Variants in PIWIL3 observed in about 807,000 individuals in gnomAD.
PIWIL3 encodes piwi-like protein 3.
A neutral mutation model predicts 109.7 loss-of-function variants in PIWIL3; 101 were observed. The observed-to-expected ratio is 0.92, with a 90% CI of 0.78 to 1.09. The LOEUF (loss-of-function observed/expected upper bound fraction) is 1.09, where lower values mean the gene tolerates loss of function less well. Ranked by LOEUF, PIWIL3 falls within the 50% of genes least tolerant of loss-of-function variation. PIWIL3 has a pLI of 0.00. For missense variants in PIWIL3, 1,031 were observed against 1,072.6 expected, an observed-to-expected ratio of 0.96 and a Z score of 0.54; for synonymous variants, 373 against 376.4, an observed-to-expected ratio of 0.99 and a Z score of 0.10.
At chr22:24,737,987 A>G (rs1923765422) in intron 12 of PIWIL3, among the ~76,000 whole-genome samples, 1 of 152,158 alleles carries the variant, frequency 6.6e-6, no homozygotes, top group Non-Finnish European at 1.5e-5. Flanking sequence ...CCCGTCTTCT[A>G]CTAAAAATAT....
chr22:24,772,745 G>A (rs542398322), intron 1 of PIWIL3, among the ~76,000 whole-genome samples: 2 of 152,322 alleles, frequency 1.3e-5, no homozygotes, highest in South Asian at 2.1e-4. Flanking sequence ...GCAGCATCTA[G>A]TGGACTAGAA....
At chr22:24,764,119 G>A (rs749612421) in intron 1 of PIWIL3, among the ~76,000 whole-genome samples, 18 of 152,212 alleles carry the variant, frequency 1.2e-4, no homozygotes, top group Non-Finnish European at 2.2e-4. Flanking sequence ...GCACACTCAG[G>A]AAAGCAGGCG....
chr22:24,723,071 T>G, intron 19 of PIWIL3, 59 bp downstream of exon 19: 1 of 1,552,922 alleles, frequency 6.4e-7, no homozygotes, highest in Non-Finnish European at 8.8e-7. Flanking sequence ...GTGATTGTGC[T>G]GAACTGAAGG....
At chr22:24,727,879 A>T in intron 16 of PIWIL3, 71 bp downstream of exon 16, 1 of 1,222,162 alleles carries the variant, frequency 8.2e-7, no homozygotes, top group Non-Finnish European at 1.2e-6. Flanking sequence ...AACACATATT[A>T]ATTAGGTTCA....
At position 24,772,011 on chromosome 22, in the gene PIWIL3, C is replaced by T. The variant is rs541735112; in HGVS notation, c.-23+2311G>A. Reference sequence around the variant, plus strand: ...TGCCCGGCCTATTTCTCTTAATGAACAAGCTATAGTGCTCAGTTGGCCAAC... The same window carrying T: ...TGCCCGGCCTATTTCTCTTAATGAATAAGCTATAGTGCTCAGTTGGCCAAC... On this transcript the variant is annotated intron_variant, in intron 1 of 20. Transcript: ENST00000616349. Among the ~76,000 whole-genome samples the T allele has an allele frequency of 2.6e-4, 39 of 152,280 alleles. 1 individual carries two copies. The South Asian group carries it at 6.4e-3, about 25-fold the overall frequency.
intron 12 of PIWIL3, among the ~76,000 whole-genome samples, chr22:24,747,985 T>C (rs1408584344): frequency 6.6e-6 from 1 of 152,220 alleles, no homozygotes; most frequent in Non-Finnish European, 1.5e-5. Context: ...TGTACTTCCA[T>C]GTTTATTGCA....
chr22:24,747,458 G>A (rs1455850622), intron 12 of PIWIL3, among the ~76,000 whole-genome samples: 1 of 152,068 alleles, frequency 6.6e-6, no homozygotes, highest in Non-Finnish European at 1.5e-5. Context: ...GGATATGTAG[G>A]ATCACATCAA....
chr22:24,737,124 CT>C (rs1346641595), intron 12 of PIWIL3, among the ~76,000 whole-genome samples: 2 of 152,212 alleles, frequency 1.3e-5, no homozygotes, highest in African/African-American at 4.8e-5. Context: ...TAAGAGAGTG[CT>C]TGCATCATCC....
chr22:24,764,850 GA>G (rs1925695281), intron 1 of PIWIL3, among the ~76,000 whole-genome samples: 1 of 152,154 alleles, frequency 6.6e-6, no homozygotes, highest in Non-Finnish European at 1.5e-5. Flanking sequence ...ATGAAGACTA[GA>G]AGTTTTAGCC....
At chr22:24,740,196 G>T (rs1206634779) in intron 12 of PIWIL3, among the ~76,000 whole-genome samples, 2 of 140,206 alleles carry the variant, frequency 1.4e-5, no homozygotes, top group Non-Finnish European at 3.1e-5. Flanking sequence ...ACTCCAACCT[G>T]GGCAACGGAG....
intron 1 of PIWIL3, among the ~76,000 whole-genome samples, chr22:24,770,935 C>CG (rs1370533093): frequency 2.0e-5 from 3 of 151,914 alleles, no homozygotes; most frequent in Non-Finnish European, 2.9e-5. Flanking sequence ...GGGATGGTCT[C>CG]GAGGAGGATA....
At chr22:24,740,218 CAA>C (rs71189272) in intron 12 of PIWIL3, among the ~76,000 whole-genome samples, 3 of 63,880 alleles carry the variant, frequency 4.7e-5, no homozygotes, top group East Asian at 1.2e-3. Context: ...GAGACTGTCT[CAA>C]AAAAAAAAAA....
rs1169647351 is a variant in PIWIL3, at chr22:24,754,778, A to G, written c.773+6T>C. On this transcript the variant is annotated splice_donor_region_variant and intron_variant, in intron 7 of 20. Coordinates refer to ENST00000616349, the MANE Select transcript of PIWIL3 (RefSeq NM_001255975.1). The stretch of plus-strand genomic sequence containing the variant: ...CAGAGTGTGAAATTTTCTACTTTAT[A>G]CAAACCCATGACGGTATAACTGAAT... 2 of 1,591,960 alleles carry G rather than the reference A, an allele frequency of 1.3e-6. No homozygotes were observed. Among genetic ancestry groups the G allele is most frequent in the Non-Finnish European group, 1.7e-6 (2 of 1,160,116 alleles).
At chr22:24,764,025 G>T (rs936859391) in intron 1 of PIWIL3, among the ~76,000 whole-genome samples, 12 of 151,460 alleles carry the variant, frequency 7.9e-5, no homozygotes, top group Non-Finnish European at 1.6e-4. Context: ...TGCCTTTCTG[G>T]GCACACAGCC....
chr22:24,738,856 C>T (rs1046806058), intron 12 of PIWIL3, among the ~76,000 whole-genome samples: 6 of 152,016 alleles, frequency 3.9e-5, no homozygotes, highest in African/African-American at 1.4e-4. Context: ...CAGGAAAACA[C>T]GGACCTCAGA....
intron 1 of PIWIL3, among the ~76,000 whole-genome samples, chr22:24,770,896 C>T (rs1008715659): frequency 4.6e-5 from 7 of 151,532 alleles, no homozygotes; most frequent in Non-Finnish European, 7.4e-5. Flanking sequence ...AGCATGAAGA[C>T]CCAGCTACAG....
intron 9 of PIWIL3, among the ~76,000 whole-genome samples, chr22:24,750,952 C>T (rs182073756): frequency 9.9e-4 from 150 of 151,462 alleles, no homozygotes; most frequent in African/African-American, 3.5e-3. Flanking sequence ...GGTGAAACCC[C>T]GTCTCTACTA....
intron 8 of PIWIL3, among the ~76,000 whole-genome samples, chr22:24,752,770 C>A (rs1924790089): frequency 1.3e-5 from 2 of 152,082 alleles, no homozygotes; most frequent in Non-Finnish European, 2.9e-5. Context: ...GAAGCCATAC[C>A]ATTTAATATT....
chr22:24,720,849 AG>A (rs1385254622), intron 19 of PIWIL3, among the ~76,000 whole-genome samples: 1 of 152,222 alleles, frequency 6.6e-6, no homozygotes, highest in Admixed American at 6.5e-5. Flanking sequence ...ATAGAGCAGC[AG>A]CAGCTTTATC....
Sources: gnomAD v4.1 joint callset for allele counts (sites outside exome capture counted in the v4.1 genomes callset) on GRCh38, gnomAD v4.1.1 for gene constraint, MANE v1.5 for transcripts, NCBI Gene and HGNC (gene_info 2026-07-23, HGNC 2026-07-21) for gene names.